Variants in SLC25A39 observed in about 807,000 individuals in gnomAD.
SLC25A39 encodes solute carrier family 25 member 39.
In SLC25A39, 44 loss-of-function variants were observed where a neutral mutation model predicts 46.6. The ratio of observed to expected loss-of-function variants is 0.94; its 90% CI spans 0.74 to 1.21. The LOEUF (loss-of-function observed/expected upper bound fraction) is 1.21. Among genes scored for constraint, SLC25A39 ranks in the 50% most tolerant of loss-of-function variants. The pLI is 0.00. For synonymous variants in SLC25A39, 218 were observed against 190.6 expected, an observed-to-expected ratio of 1.14 and a Z score of -1.19; for missense variants, 487 against 473.0, an observed-to-expected ratio of 1.03 and a Z score of -0.28.
At chr17:44,321,343 G>A in intron 7 of SLC25A39, 91 bp downstream of exon 7, 1 of 1,598,004 alleles carries the variant, frequency 6.3e-7, no homozygotes, top group East Asian at 2.2e-5. Flanking sequence ...CTATCCCTAG[G>A]CTGGCAGAGG....
Position 44,323,540 on chromosome 17 carries a change from C to T in SLC25A39, c.23G>A (p.Gly8Asp). ...CACCATTTGCTGGAGGGGGCTGATG[C>T]CCGCAGGGTCCTGGTCAGCCATCTT... MADQDPA[G>D]ISPLQQMVAS... is the part of the protein sequence containing the mutation. The change falls in exon 2 of 12, where the codon GGC becomes GAC. Residue 8 changes from glycine (G) to aspartate (D), a missense_variant. Transcript: ENST00000377095. The T allele has an allele frequency of 1.9e-6, 3 of 1,571,336 alleles. No individual in the cohort carries two copies. Among genetic ancestry groups the T allele is most frequent in the East Asian group, 2.4e-5 (1 of 42,494 alleles).
At position 44,323,361 on chromosome 17, in the gene SLC25A39, T is replaced by A. The variant is rs767779397; in HGVS notation, c.86-18A>T. 1.9e-6 allele frequency: 3 copies of A among 1,607,476 alleles called. No homozygotes were observed. Among genetic ancestry groups the A allele is most frequent in the Non-Finnish European group, 2.5e-6 (3 of 1,177,054 alleles). ...GGGTGTCACTGGGGGAGGAAGCGGG[T>A]CTGAAGGCTCCTTTCAGGACCCCAC... is the stretch of plus-strand genomic sequence containing the variant. On this transcript the variant is annotated intron_variant, in intron 2 of 11. Transcript: ENST00000377095.
chr17:44,319,939 G>A lies in SLC25A39; in HGVS notation c.*62C>T. 1 of 1,519,852 alleles carries A rather than the reference G, an allele frequency of 6.6e-7. No individual in the cohort carries two copies. Among genetic ancestry groups the A allele is most frequent in the South Asian group, 1.1e-5 (1 of 88,442 alleles). The allele number at this position is 1,519,852 out of a possible 1,614,324, so 94.1% of individuals were successfully genotyped here. ...AGTGCTGAGGAAAAGGCACTTGGCT[G>A]GGTCTCCTCCTGCCCTCTCCCCATC... On this transcript the variant is annotated 3_prime_UTR_variant, in exon 12 of 12. Transcript: ENST00000377095.
intron 8 of SLC25A39, 87 bp downstream of exon 8, chr17:44,320,971 C>G: frequency 7.0e-7 from 1 of 1,428,142 alleles, no homozygotes; most frequent in East Asian, 2.4e-5. Context: ...TTCATGGTCA[C>G]TAGTCACAAA....
Position 44,322,464 on chromosome 17 carries a change from G to GCGGGC in SLC25A39, c.274_278dup (p.Cys94ProfsTer21). The GCGGGC allele has an allele frequency of 6.2e-7, 1 of 1,614,172 alleles. No individual in the cohort carries two copies. Among genetic ancestry groups the GCGGGC allele is most frequent in the Non-Finnish European group, 8.5e-7 (1 of 1,180,034 alleles). On this transcript the variant is annotated frameshift_variant, in exon 5 of 12. Coordinates refer to ENST00000377095, the MANE Select transcript of SLC25A39 (RefSeq NM_001143780.3). LOFTEE classifies it high-confidence loss of function. ...TAGGGTCTTGAAACCAGGTGGCACAGCGGGCACCATTTGGGCACAGGTACA... is the reference window on the plus strand; with the variant it reads ...TAGGGTCTTGAAACCAGGTGGCACAGCGGGCCGGGCACCATTTGGGCACAGGTACA...
At chr17:44,322,659 T>TGCA in intron 4 of SLC25A39, 107 bp from the exon 5 acceptor site, 2 of 1,560,720 alleles carry the variant, frequency 1.3e-6, no homozygotes, top group South Asian at 2.3e-5. Context: ...CCTGTGTGGA[T>TGCA]GTTCTGGTGC....
Position 44,319,977 on chromosome 17 carries a change from G to T in SLC25A39, c.*24C>A. 3 of 1,609,298 alleles carry T rather than the reference G, an allele frequency of 1.9e-6. No individual in the cohort carries two copies. Among genetic ancestry groups the T allele is most frequent in the Non-Finnish European group, 2.6e-6 (3 of 1,176,196 alleles). ...CCCTCTCCCCATCCGTGGGAGAGAC[G>T]GGGTCCTTGCCTCCTTGCCCCTTTC... On this transcript the variant is annotated 3_prime_UTR_variant, in exon 12 of 12. Transcript: ENST00000377095.
intron 2 of SLC25A39, 39 bp downstream of exon 2, chr17:44,323,439 A>AGCCCCCCCCCCCCCCCCCC: frequency 7.8e-6 from 2 of 257,094 alleles, no homozygotes; most frequent in Non-Finnish European, 1.1e-5. Flanking sequence ...GGTCTGCCCC[A>AGCCCCCCCCCCCCCCCCCC]TCCCCACCCG....
At chr17:44,322,619 T>A in intron 4 of SLC25A39, 67 bp from the exon 5 acceptor site, 2 of 1,585,228 alleles carry the variant, frequency 1.3e-6, no homozygotes, top group Non-Finnish European at 1.7e-6. Flanking sequence ...AGTGGGCCCC[T>A]ATCCCTGGAA....
In SLC25A39 at chr17:44,319,995, C is replaced by G. The variant is rs1458209362; in HGVS notation, c.*6G>C. 6.2e-7 allele frequency: 1 copy of G among 1,613,666 alleles called. No individual in the cohort carries two copies. The highest frequency in any genetic ancestry group is 2.2e-5 in the East Asian group (1 of 44,876). On this transcript the variant is annotated 3_prime_UTR_variant, in exon 12 of 12. Coordinates refer to ENST00000377095, the MANE Select transcript of SLC25A39 (RefSeq NM_001143780.3). ...GAGAGACGGGGTCCTTGCCTCCTTGCCCCTTTCAGCCGCCCAGAAGCCGGT... is the reference window on the plus strand; with the variant it reads ...GAGAGACGGGGTCCTTGCCTCCTTGGCCCTTTCAGCCGCCCAGAAGCCGGT...
Position 44,321,066 on chromosome 17 carries a change from G to A in SLC25A39, c.683C>T (p.Pro228Leu). 3 of 1,599,112 alleles carry A rather than the reference G, an allele frequency of 1.9e-6. No individual in the cohort carries two copies. Among genetic ancestry groups the A allele is most frequent in the East Asian group, 2.2e-5 (1 of 44,778 alleles). Reference sequence around the variant, plus strand: ...GCAGCTTGGGTGCCTACCTGAGAAGGGCACATCTCGAAGGGCAGTGGGGCC... The same window carrying A: ...GCAGCTTGGGTGCCTACCTGAGAAGAGCACATCTCGAAGGGCAGTGGGGCC... ...GWGPTALRDVPFSALYWFNYE... is the reference protein window; with the variant it reads ...GWGPTALRDVLFSALYWFNYE... Residue 228 changes from proline to leucine, a missense_variant, in exon 8 of 12, where the codon CCC (proline) becomes CTC (leucine). Coordinates refer to ENST00000377095, the MANE Select transcript of SLC25A39 (RefSeq NM_001143780.3).
chr17:44,323,609 C>T (rs1260840647), intron 1 of SLC25A39, 32 bp from the exon 2 acceptor site: 3 of 1,466,358 alleles, frequency 2.0e-6, no homozygotes, highest in Non-Finnish European at 2.8e-6. Flanking sequence ...GACCACAACT[C>T]CAGGGATGGC....
rs149056426 is a variant in SLC25A39 at position 44,320,879 on chromosome 17, C to G, written c.692-148G>C. 9.4e-5 allele frequency: 91 copies of G among 965,754 alleles called. No individual in the cohort carries two copies. In the African/African-American group the frequency reaches 1.4e-3, roughly 15 times the overall value. The allele number at this position is 965,754 out of a possible 1,614,324, so 59.8% of individuals were successfully genotyped here. A position where few individuals can be genotyped will look rare whatever the true frequency, so the allele number is the denominator to read the frequency against. Reference sequence around the variant, plus strand: ...AAGCAGGCACTCTGTAGGAATTAATCTCCTGACCGCCTGGGCAAATACTCT... The same window carrying G: ...AAGCAGGCACTCTGTAGGAATTAATGTCCTGACCGCCTGGGCAAATACTCT... On this transcript the variant is annotated intron_variant, in intron 8 of 11. Transcript: ENST00000377095.
intron 2 of SLC25A39, 44 bp downstream of exon 2, chr17:44,323,434 G>GGCCCCCCCC: frequency 5.1e-6 from 7 of 1,367,904 alleles, no homozygotes; most frequent in East Asian, 2.5e-5. Flanking sequence ...TCTCCGGTCT[G>GGCCCCCCCC]CCCCATCCCC....
chr17:44,323,398 C>G, intron 2 of SLC25A39, 55 bp from the exon 3 acceptor site: 1 of 1,587,352 alleles, frequency 6.3e-7, no homozygotes, highest in Non-Finnish European at 8.6e-7. Flanking sequence ...CCTAGGACTC[C>G]TCCCCCAGGA....
intron 2 of SLC25A39, 39 bp downstream of exon 2, chr17:44,323,439 A>AACACCCCCCCCCCCCC: frequency 7.8e-6 from 2 of 257,114 alleles, no homozygotes; most frequent in Non-Finnish European, 5.7e-6. Flanking sequence ...GGTCTGCCCC[A>AACACCCCCCCCCCCCC]TCCCCACCCG....
At chr17:44,320,936 C>A in intron 8 of SLC25A39, 122 bp downstream of exon 8, 1 of 1,256,346 alleles carries the variant, frequency 8.0e-7, no homozygotes, top group Non-Finnish European at 1.1e-6. Context: ...GATGAGAAAC[C>A]CATGGCTCAG....
rs1378980736 is a variant in SLC25A39, at chr17:44,322,810, T to G, written c.188A>C (p.Lys63Thr). The part of the protein sequence containing the change: ...SSRLWSLSYT[K>T]LPSSLQSTGK... ...TCCCTGTGGCTTGGGGCACTCACAT[T>G]TGGTATAGGAGAGGCTCCACAGTCT... The change falls in exon 4 of 12, where the codon AAA (lysine) becomes ACA (threonine). Residue 63 changes from lysine to threonine, a missense_variant and splice_region_variant. Lys to Thr is a moderately conservative substitution (Grantham distance 78). Coordinates refer to ENST00000377095, the MANE Select transcript of SLC25A39 (RefSeq NM_001143780.3). 6.2e-7 allele frequency: 1 copy of G among 1,613,970 alleles called. No homozygotes were observed. Among genetic ancestry groups the G allele is most frequent in the South Asian group, 1.1e-5 (1 of 91,068 alleles).
chr17:44,321,768 C>A lies in SLC25A39; in HGVS notation c.325-1G>T. ...GCCTCACGATCTTCACGAAGGCATC[C>A]TGGCCAAGCAGGCACCAGCCCAGGG... On this transcript the variant is annotated splice_acceptor_variant, in intron 5 of 11. Transcript: ENST00000377095. LOFTEE classifies it high-confidence loss of function. The A allele has an allele frequency of 3.1e-6, 5 of 1,611,258 alleles. No homozygotes were observed. The highest frequency in any genetic ancestry group is 3.4e-6 in the Non-Finnish European group (4 of 1,178,410).
Sources: gnomAD v4.1 joint callset for allele counts on GRCh38, gnomAD v4.1.1 for gene constraint, MANE v1.5 for transcripts, NCBI Gene and HGNC (gene_info 2026-07-23, HGNC 2026-07-21) for gene names.